The following SLC4A10 variants were observed in gnomAD, a reference collection of about 807,000 sequenced individuals.
SLC4A10 encodes the protein solute carrier family 4 member 10, also known as sodium-driven chloride bicarbonate exchanger.
In SLC4A10, 42 loss-of-function variants were observed where a neutral mutation model predicts 137.7. That is an observed-to-expected ratio of 0.30 (90% CI 0.24 to 0.39). The LOEUF (loss-of-function observed/expected upper bound fraction) is 0.39. Among genes scored for constraint, SLC4A10 ranks in the 10% least tolerant of loss-of-function variants. The pLI is 1.00. For missense variants in SLC4A10, 925 were observed against 1,355.0 expected (o/e 0.68, Z 4.98); for synonymous variants, 474 against 464.1 (o/e 1.02, Z -0.27).
At chr2:161,937,861 A>G (rs1397324610) in intron 15 of SLC4A10, among the ~76,000 whole-genome samples, 3 of 152,140 alleles carry the variant, frequency 2.0e-5, no homozygotes, top group Admixed American at 2.0e-4. Flanking sequence ...AGGTTACCGT[A>G]CCTTAAGGAG....
intron 1 of SLC4A10, among the ~76,000 whole-genome samples, chr2:161,686,780 T>G (rs569476678): frequency 6.6e-6 from 1 of 152,282 alleles, no homozygotes; most frequent in South Asian, 2.1e-4. Flanking sequence ...AGCAAGTTTA[T>G]TAAGGAAGTA....
intron 4 of SLC4A10, among the ~76,000 whole-genome samples, chr2:161,850,580 T>G (rs919109222): frequency 6.6e-6 from 1 of 152,068 alleles, no homozygotes; most frequent in Non-Finnish European, 1.5e-5. Context: ...TTTCTGATTG[T>G]GTTTATCTTT....
intron 1 of SLC4A10, among the ~76,000 whole-genome samples, chr2:161,747,480 C>T (rs2048507847): frequency 2.0e-5 from 3 of 152,058 alleles, no homozygotes; most frequent in African/African-American, 7.2e-5. Context: ...TGTTCATTGC[C>T]TCTTTTCTTG....
intron 2 of SLC4A10, among the ~76,000 whole-genome samples, chr2:161,802,901 C>A (rs951711926): frequency 6.6e-6 from 1 of 152,006 alleles, no homozygotes. Flanking sequence ...CCTTAATTAC[C>A]TCTATAAAGG....
At position 161,767,450 on chromosome 2, in the gene SLC4A10, A is replaced by G. The variant is rs139876945; in HGVS notation, c.49-3523A>G. ...CTCACACCTCATTTACCAGTTCAGT[A>G]TCTAACTCCCTGAACTCCTTTCTAA... On this transcript the variant is annotated intron_variant, in intron 1 of 26. Coordinates refer to ENST00000446997, the MANE Select transcript of SLC4A10 (RefSeq NM_001178015.2). 3.3e-3 allele frequency among the ~76,000 whole-genome samples: 495 copies of G among 151,624 alleles called. 5 individuals are homozygous for G. Among genetic ancestry groups the G allele is most frequent in the East Asian group, 7.6e-3 (39 of 5,112 alleles).
intron 1 of SLC4A10, among the ~76,000 whole-genome samples, chr2:161,746,825 C>G (rs138190558): frequency 2.6e-5 from 4 of 152,190 alleles, no homozygotes; most frequent in Non-Finnish European, 5.9e-5. Context: ...TGGGTCCTTA[C>G]TTTCAGGGCA....
At chr2:161,811,544 C>T (rs1464531723) in intron 3 of SLC4A10, among the ~76,000 whole-genome samples, 1 of 152,024 alleles carries the variant, frequency 6.6e-6, no homozygotes, top group Non-Finnish European at 1.5e-5. Flanking sequence ...AGACCTTCAA[C>T]ATCTCCTCCT....
chr2:161,699,020 A>G (rs2042854771), intron 1 of SLC4A10, among the ~76,000 whole-genome samples: 1 of 151,570 alleles, frequency 6.6e-6, no homozygotes, highest in Non-Finnish European at 1.5e-5. Flanking sequence ...TTTTTATTTT[A>G]TTATTATTAT....
intron 1 of SLC4A10, among the ~76,000 whole-genome samples, chr2:161,699,629 T>G (rs186021885): frequency 2.0e-5 from 3 of 152,250 alleles, no homozygotes; most frequent in Admixed American, 6.5e-5. Flanking sequence ...AAAGACAAGA[T>G]TAAGCCTAAA....
chr2:161,928,718 G>A (rs1168651981), intron 15 of SLC4A10, among the ~76,000 whole-genome samples: 4 of 148,318 alleles, frequency 2.7e-5, no homozygotes, highest in Admixed American at 2.0e-4. Flanking sequence ...ATTTCTATCA[G>A]TGTAGCCTTG....
chr2:161,749,640 T>C (rs142768009), intron 1 of SLC4A10, among the ~76,000 whole-genome samples: 1 of 151,984 alleles, frequency 6.6e-6, no homozygotes, highest in Non-Finnish European at 1.5e-5. Flanking sequence ...ATCTTTTTGA[T>C]GTGTCACTGA....
At chr2:161,778,602 A>G (rs1169969969) in intron 2 of SLC4A10, among the ~76,000 whole-genome samples, 1 of 151,988 alleles carries the variant, frequency 6.6e-6, no homozygotes, top group Admixed American at 6.6e-5. Flanking sequence ...TTCATCAAAT[A>G]TTCAAACATT....
chr2:161,694,872 G>A (rs1391365873), intron 1 of SLC4A10, among the ~76,000 whole-genome samples: 2 of 151,900 alleles, frequency 1.3e-5, no homozygotes, highest in East Asian at 3.9e-4. Context: ...TATTGAGATA[G>A]ATTATTTCAA....
At chr2:161,727,483 A>ACC (rs2046355956) in intron 1 of SLC4A10, among the ~76,000 whole-genome samples, 1 of 152,216 alleles carries the variant, frequency 6.6e-6, no homozygotes, top group Non-Finnish European at 1.5e-5. Flanking sequence ...ATACATTAGG[A>ACC]AAAAGAAATA....
intron 4 of SLC4A10, among the ~76,000 whole-genome samples, chr2:161,850,841 G>A (rs1270349444): frequency 6.6e-6 from 1 of 151,698 alleles, no homozygotes; most frequent in East Asian, 1.9e-4. Context: ...TTTTTATGTC[G>A]ACATTTAGCA....
intron 1 of SLC4A10, among the ~76,000 whole-genome samples, chr2:161,661,423 G>A (rs1294200334): frequency 2.6e-5 from 4 of 152,180 alleles, no homozygotes; most frequent in Admixed American, 6.5e-5. Flanking sequence ...GCAGTGAGCC[G>A]AGATTGCACC....
chr2:161,795,150 C>T (rs1383447588), intron 2 of SLC4A10, among the ~76,000 whole-genome samples: 1 of 152,074 alleles, frequency 6.6e-6, no homozygotes, highest in African/African-American at 2.4e-5. Flanking sequence ...TGCTATTTTT[C>T]TGTACCTGCC....
intron 2 of SLC4A10, among the ~76,000 whole-genome samples, chr2:161,792,197 A>G (rs1013729032): frequency 3.3e-5 from 5 of 152,194 alleles, no homozygotes; most frequent in Non-Finnish European, 7.3e-5. Context: ...GTATATGTAT[A>G]TATAATGTTT....
chr2:161,745,077 T>C (rs2048269933), intron 1 of SLC4A10, among the ~76,000 whole-genome samples: 1 of 152,172 alleles, frequency 6.6e-6, no homozygotes, highest in Non-Finnish European at 1.5e-5. Context: ...ATTTCTCTTT[T>C]ATTTGAATAT....
Sources: gnomAD v4.1 joint callset for allele counts (sites outside exome capture counted in the v4.1 genomes callset) on GRCh38, gnomAD v4.1.1 for gene constraint, MANE v1.5 for transcripts, NCBI Gene and HGNC (gene_info 2026-07-23, HGNC 2026-07-21) for gene names.